The following ADAM9 variants were observed in gnomAD, a reference collection of about 807,000 sequenced individuals.
ADAM9 encodes ADAM metallopeptidase domain 9, also known as disintegrin and metalloproteinase domain-containing protein 9.
A neutral mutation model predicts 108.1 loss-of-function variants in ADAM9; 54 were observed. That is an observed-to-expected ratio of 0.50 (90% confidence interval 0.40 to 0.63). ADAM9 has a LOEUF of 0.63. Among genes scored for constraint, ADAM9 ranks in the 20% least tolerant of loss-of-function variants. The pLI, the probability that ADAM9 is intolerant of heterozygous loss-of-function variation, is 0.00. For synonymous variants in ADAM9, 316 were observed against 336.0 expected (o/e 0.94, Z 0.65); for missense variants, 830 against 997.7 (o/e 0.83, Z 2.26).
At chr8:39,025,911 G>A in intron 10 of ADAM9, 27 bp downstream of exon 10, 1 of 1,603,012 alleles carries the variant, frequency 6.2e-7, no homozygotes, top group Non-Finnish European at 8.5e-7. Context: ...GTTTAACTTT[G>A]GATGTTTGCA....
chr8:39,073,637 A>G, intron 15 of ADAM9, among the ~76,000 whole-genome samples: 1 of 152,202 alleles, frequency 6.6e-6, no homozygotes, highest in East Asian at 1.9e-4. Flanking sequence ...TGGGTGGAGA[A>G]TTAATATAAC....
intron 12 of ADAM9, among the ~76,000 whole-genome samples, chr8:39,045,415 T>TGC (rs1837707426): frequency 1.5e-5 from 2 of 135,374 alleles, no homozygotes; most frequent in East Asian, 4.6e-4. Flanking sequence ...TATGTGCGCG[T>TGC]GTGTACACAC....
chr8:38,997,293 T>G, intron 1 of ADAM9, 133 bp downstream of exon 1: 1 of 1,064,230 alleles, frequency 9.4e-7, no homozygotes, highest in East Asian at 2.6e-5. Context: ...GCGCGGCCGC[T>G]CCAGGTGTGT....
intron 19 of ADAM9, 151 bp from the exon 20 acceptor site, chr8:39,091,108 A>G: frequency 1.4e-6 from 1 of 725,954 alleles, no homozygotes; most frequent in Non-Finnish European, 2.4e-6. Flanking sequence ...AAGCTGTTAA[A>G]ATGCCCTAAA....
At chr8:39,088,670 C>A (rs1286500366) in intron 18 of ADAM9, among the ~76,000 whole-genome samples, 2 of 152,104 alleles carry the variant, frequency 1.3e-5, no homozygotes, top group African/African-American at 4.8e-5. Context: ...GAACACAGAA[C>A]AGATAAAATA....
chr8:39,097,534 C>T (rs898738896), intron 20 of ADAM9, among the ~76,000 whole-genome samples: 1 of 152,092 alleles, frequency 6.6e-6, no homozygotes, highest in African/African-American at 2.4e-5. Flanking sequence ...TCTCGAACTC[C>T]TGACCTCGTG....
At chr8:39,008,883 T>C (rs1300852762) in intron 2 of ADAM9, among the ~76,000 whole-genome samples, 2 of 152,234 alleles carry the variant, frequency 1.3e-5, no homozygotes, top group African/African-American at 4.8e-5. Flanking sequence ...ATTTGGACTT[T>C]AATTTTATAA....
In ADAM9 at chr8:39,009,121, A is replaced by G. The variant is rs116185401; in HGVS notation, c.195+1138A>G. Among the ~76,000 whole-genome samples, 1,245 of 152,328 alleles carry G rather than the reference A, an allele frequency of 8.2e-3. 19 individuals are homozygous for G. The highest frequency in any genetic ancestry group is 0.029 in the African/African-American group (1,190 of 41,564). ...GTCCTCCCTGTGAGTACCACCACCT[A>G]CTAGTTGGGTTGGTCACTCAACTCC... On this transcript the variant is annotated intron_variant, in intron 2 of 21. Coordinates refer to ENST00000487273, the MANE Select transcript of ADAM9 (RefSeq NM_003816.3).
At chr8:39,090,267 G>C in intron 19 of ADAM9, 79 bp downstream of exon 19, 2 of 1,277,332 alleles carry the variant, frequency 1.6e-6, no homozygotes, top group Non-Finnish European at 2.2e-6. Context: ...ACTTCCCTGG[G>C]CTCAGGTGAT....
At chr8:39,059,731 A>C (rs1291018722) in intron 14 of ADAM9, among the ~76,000 whole-genome samples, 2 of 152,242 alleles carry the variant, frequency 1.3e-5, no homozygotes, top group Non-Finnish European at 2.9e-5. Context: ...GGTGCACTTC[A>C]GGGATGTCCC....
chr8:39,036,898 A>G (rs1439874049), intron 11 of ADAM9, among the ~76,000 whole-genome samples: 1 of 151,068 alleles, frequency 6.6e-6, no homozygotes, highest in African/African-American at 2.4e-5. Flanking sequence ...TTGCTGAAGG[A>G]TCAAGCATTT....
chr8:39,096,558 T>A (rs1839513477), intron 20 of ADAM9, among the ~76,000 whole-genome samples: 1 of 152,192 alleles, frequency 6.6e-6, no homozygotes, highest in South Asian at 2.1e-4. Flanking sequence ...TAACAAGATT[T>A]AAAAGTGATT....
chr8:39,093,571 T>C (rs1839416169), intron 20 of ADAM9, among the ~76,000 whole-genome samples: 1 of 152,196 alleles, frequency 6.6e-6, no homozygotes, highest in Non-Finnish European at 1.5e-5. Context: ...AATTTGGATG[T>C]CTTTTATTTC....
intron 3 of ADAM9, among the ~76,000 whole-genome samples, chr8:39,012,626 A>T (rs1393506013): frequency 1.3e-5 from 2 of 152,214 alleles, no homozygotes; most frequent in Admixed American, 1.3e-4. Context: ...ATAAAAAAGG[A>T]TGAGTTCATG....
chr8:39,055,362 C>A (rs1366203028), intron 13 of ADAM9, among the ~76,000 whole-genome samples: 1 of 152,054 alleles, frequency 6.6e-6, no homozygotes, highest in Non-Finnish European at 1.5e-5. Flanking sequence ...GTTTGCATTT[C>A]TTTTGGTTAC....
rs1839786805 is a variant in ADAM9, at chr8:39,104,081, T to C, written c.*381T>C. On this transcript the variant is annotated 3_prime_UTR_variant, in exon 22 of 22. Transcript: ENST00000487273. ...TATTCTGAATTTTCTACCTTAGTTA[T>C]CATTAATGTAGTTCCTCATTGAACA... 3 of 461,942 alleles carry C rather than the reference T, an allele frequency of 6.5e-6. No homozygotes were observed. The allele number at this position is 461,942 out of a possible 1,614,324, so 28.6% of individuals were successfully genotyped here.
At chr8:39,005,300 A>G (rs986000779) in intron 1 of ADAM9, among the ~76,000 whole-genome samples, 2 of 152,192 alleles carry the variant, frequency 1.3e-5, no homozygotes, top group East Asian at 1.9e-4. Flanking sequence ...TGAGTTCACA[A>G]CACAAAAGGT....
intron 11 of ADAM9, among the ~76,000 whole-genome samples, chr8:39,033,318 C>A (rs1837160056): frequency 6.6e-6 from 1 of 151,968 alleles, no homozygotes; most frequent in African/African-American, 2.4e-5. Flanking sequence ...GAGTCTTTTT[C>A]AATTCTTTTT....
chr8:39,058,849 C>T (rs949701046), intron 14 of ADAM9, among the ~76,000 whole-genome samples: 4 of 152,182 alleles, frequency 2.6e-5, no homozygotes, highest in African/African-American at 9.7e-5. Context: ...GTGTTTCTCC[C>T]ATTTCCACCC....
Sources: gnomAD v4.1 joint callset for allele counts (sites outside exome capture counted in the v4.1 genomes callset) on GRCh38, gnomAD v4.1.1 for gene constraint, MANE v1.5 for transcripts, NCBI Gene and HGNC (gene_info 2026-07-23, HGNC 2026-07-21) for gene names.